Variants in DSCAML1 observed in about 807,000 individuals in gnomAD.
The protein encoded by DSCAML1 is cell adhesion molecule DSCAML1.
Under a neutral mutation model 200.5 loss-of-function variants are expected in DSCAML1, and 38 were observed. That is an observed-to-expected ratio of 0.19 (90% CI 0.15 to 0.25). DSCAML1 has a LOEUF of 0.25. Ranked by LOEUF, DSCAML1 falls within the 10% of genes least tolerant of loss-of-function variation. The pLI is 1.00. For synonymous variants in DSCAML1, 1,215 were observed against 1,165.0 expected (o/e 1.04, Z -0.87); for missense variants, 2,223 against 2,858.8 (o/e 0.78, Z 5.07).
At chr11:117,641,470 G>A (rs2137595171) in intron 3 of DSCAML1, among the ~76,000 whole-genome samples, 1 of 152,290 alleles carries the variant, frequency 6.6e-6, no homozygotes, top group South Asian at 2.1e-4. Context: ...CCGAACAGAT[G>A]CGCACACTGC....
chr11:117,595,499 C>G (rs901452314), intron 3 of DSCAML1, among the ~76,000 whole-genome samples: 2 of 152,046 alleles, frequency 1.3e-5, no homozygotes, highest in African/African-American at 4.8e-5. Flanking sequence ...TTTGCATCCT[C>G]AAATCATCTT....
chr11:117,659,478 G>T (rs2052799135), intron 3 of DSCAML1, among the ~76,000 whole-genome samples: 1 of 152,246 alleles, frequency 6.6e-6, no homozygotes. Context: ...CTTTAGTGAA[G>T]TGAGACTATC....
At chr11:117,601,376 T>C (rs1034009425) in intron 3 of DSCAML1, among the ~76,000 whole-genome samples, 46 of 152,150 alleles carry the variant, frequency 3.0e-4, no homozygotes, top group Non-Finnish European at 7.3e-5. Context: ...CAAAGACTCT[T>C]CAGCAGGGAG....
chr11:117,511,286 T>A (rs2049612760), intron 8 of DSCAML1, among the ~76,000 whole-genome samples: 2 of 152,170 alleles, frequency 1.3e-5, no homozygotes, highest in African/African-American at 4.8e-5. Context: ...GTCCTGGTCC[T>A]GCTGAGCATG....
Position 117,533,619 on chromosome 11 carries a change from C to T in DSCAML1, c.512-1097G>A, listed in dbSNP as rs532491013. On this transcript the variant is annotated intron_variant, in intron 3 of 32. Transcript: ENST00000651296. ...CTGCCACTGCCACAGCCATCTCTGC[C>T]CCGACTGTTGGGACCTAGCAGGAGA... Among the ~76,000 whole-genome samples the T allele has an allele frequency of 3.2e-4, 48 of 152,294 alleles. 1 individual carries two copies. The South Asian group carries it at 8.7e-3, about 28-fold the overall frequency.
intron 3 of DSCAML1, chr11:117,612,039 G>A (rs896282492): frequency 6.6e-6 from 1 of 152,278 alleles, no homozygotes. Context: ...CACACACAGG[G>A]TGTGACGTGT....
In DSCAML1 at chr11:117,439,972, T is replaced by C. The variant is rs748916079; in HGVS notation, c.3863-36A>G. 88 of 1,552,268 alleles carry C rather than the reference T, an allele frequency of 5.7e-5. 1 individual carries two copies. The East Asian group carries it at 2.0e-3, about 34-fold the overall frequency. ...GAGAGGATGAGGGCCACTCCACTTCTACCCCTGCACAATATCCTGGCCTCC... is the reference window on the plus strand; with the variant it reads ...GAGAGGATGAGGGCCACTCCACTTCCACCCCTGCACAATATCCTGGCCTCC... On this transcript the variant is annotated intron_variant, in intron 21 of 32. Coordinates refer to ENST00000651296, the MANE Select transcript of DSCAML1 (RefSeq NM_020693.4).
chr11:117,761,232 G>A (rs977058111), intron 3 of DSCAML1, among the ~76,000 whole-genome samples: 11 of 151,554 alleles, frequency 7.3e-5, no homozygotes, highest in African/African-American at 1.5e-4. Context: ...CGGAGAAGGC[G>A]TCAAACCTGG....
At chr11:117,585,184 T>A (rs1232025344) in intron 3 of DSCAML1, among the ~76,000 whole-genome samples, 1 of 152,156 alleles carries the variant, frequency 6.6e-6, no homozygotes, top group Non-Finnish European at 1.5e-5. Context: ...GAATTAGGAA[T>A]TCATACTTTC....
At chr11:117,458,934 G>T (rs762288977) in intron 18 of DSCAML1, 25 bp from the exon 19 acceptor site, 36 of 1,608,786 alleles carry the variant, frequency 2.2e-5, no homozygotes, top group Middle Eastern at 1.7e-4. Context: ...CAAACTCTGA[G>T]GACCCAGCTC....
chr11:117,449,011 A>G (rs2137113193), intron 20 of DSCAML1, among the ~76,000 whole-genome samples: 1 of 152,376 alleles, frequency 6.6e-6, no homozygotes, highest in African/African-American at 2.4e-5. Flanking sequence ...ATCATAACAT[A>G]TGCACACAAA....
intron 1 of DSCAML1, among the ~76,000 whole-genome samples, chr11:117,809,615 G>T (rs1055393422): frequency 6.6e-6 from 1 of 152,194 alleles, no homozygotes; most frequent in Non-Finnish European, 1.5e-5. Context: ...GAAGCCGGAG[G>T]CTGGGCTCAC....
intron 3 of DSCAML1, among the ~76,000 whole-genome samples, chr11:117,696,162 A>G (rs369429809): frequency 6.6e-6 from 1 of 152,234 alleles, no homozygotes; most frequent in African/African-American, 2.4e-5. Context: ...CCTGGAAGAC[A>G]TGGGGAGACG....
chr11:117,548,138 C>T (rs759180185), intron 3 of DSCAML1, among the ~76,000 whole-genome samples: 13 of 151,746 alleles, frequency 8.6e-5, no homozygotes, highest in Non-Finnish European at 1.5e-5. Flanking sequence ...CCGCTGTCGC[C>T]CCAGCCTTGT....
chr11:117,661,756 G>A (rs2052858614), intron 3 of DSCAML1, among the ~76,000 whole-genome samples: 1 of 152,118 alleles, frequency 6.6e-6, no homozygotes, highest in Admixed American at 6.5e-5. Flanking sequence ...CCTTGCTAAT[G>A]AGCAGCTTTT....
In DSCAML1 at chr11:117,471,864, C is replaced by A; in HGVS notation, c.2953+5G>T. On this transcript the variant is annotated splice_donor_5th_base_variant and intron_variant, in intron 15 of 32. Transcript: ENST00000651296. ...TGGGCAGGGCAGGCTGGGTGAGGTG[C>A]TCACCGGCCTCCTCAGTGCTGATGG... is the stretch of plus-strand genomic sequence containing the variant. 6.2e-7 allele frequency: 1 copy of A among 1,600,144 alleles called. No homozygotes were observed. Among genetic ancestry groups the A allele is most frequent in the Non-Finnish European group, 8.5e-7 (1 of 1,171,454 alleles).
At chr11:117,654,635 A>C (rs772462341) in intron 3 of DSCAML1, among the ~76,000 whole-genome samples, 1 of 152,162 alleles carries the variant, frequency 6.6e-6, no homozygotes, top group African/African-American at 2.4e-5. Flanking sequence ...TACTGCCGAG[A>C]TGTCACTGCT....
intron 3 of DSCAML1, among the ~76,000 whole-genome samples, chr11:117,615,401 T>C (rs2051791671): frequency 6.6e-6 from 1 of 152,196 alleles, no homozygotes; most frequent in Non-Finnish European, 1.5e-5. Context: ...ATCCTACTTG[T>C]GACCCTCACT....
At chr11:117,761,251 T>A (rs573755882) in intron 3 of DSCAML1, among the ~76,000 whole-genome samples, 42 of 151,804 alleles carry the variant, frequency 2.8e-4, no homozygotes, top group Non-Finnish European at 4.6e-4. Context: ...GGACTCACCT[T>A]CCAGATGAGG....
Sources: allele counts gnomAD v4.1 joint callset (sites outside exome capture counted in the v4.1 genomes callset), GRCh38; gene constraint gnomAD v4.1.1; transcripts MANE v1.5; gene names NCBI Gene and HGNC (gene_info 2026-07-23, HGNC 2026-07-21).